Variants in TENM4 observed in about 807,000 individuals in gnomAD.
TENM4 encodes teneurin transmembrane protein 4.
In TENM4, 82 loss-of-function variants were observed where a neutral mutation model predicts 243.3. That is an observed-to-expected ratio of 0.34 (90% CI 0.28 to 0.40). TENM4 has a LOEUF of 0.40. TENM4 is among the 10% of genes least tolerant of loss of function. The pLI is 1.00. For missense variants in TENM4, 3,138 were observed against 3,673.3 expected, an observed-to-expected ratio of 0.85 and a Z score of 3.77; for synonymous variants, 1,412 against 1,456.3, an observed-to-expected ratio of 0.97 and a Z score of 0.69.
At chr11:79,012,611 C>T (rs1007992154) in intron 6 of TENM4, among the ~76,000 whole-genome samples, 8 of 152,266 alleles carry the variant, frequency 5.3e-5, no homozygotes, top group Middle Eastern at 3.4e-3. Context: ...TTTCTGAAAA[C>T]ATGAAGGATT....
intron 28 of TENM4, among the ~76,000 whole-genome samples, chr11:78,699,102 C>T (rs750350279): frequency 2.0e-5 from 3 of 152,138 alleles, no homozygotes; most frequent in Non-Finnish European, 4.4e-5. Flanking sequence ...TCTGCAATTA[C>T]TGGTACTGCC....
At chr11:78,795,447 T>C (rs11237624) in intron 15 of TENM4, among the ~76,000 whole-genome samples, 2,419 of 152,330 alleles carry the variant, frequency 0.016, 30 homozygotes, top group South Asian at 0.032. Flanking sequence ...ACTTCCTAGC[T>C]ATGTGAAACA....
Position 78,903,286 on chromosome 11 carries a change from T to G in TENM4, c.731A>C (p.Asn244Thr). 1 of 1,490,928 alleles carries G rather than the reference T, an allele frequency of 6.7e-7. No homozygotes were observed. Among genetic ancestry groups the G allele is most frequent in the Non-Finnish European group, 8.9e-7 (1 of 1,124,530 alleles). The allele number at this position is 1,490,928 out of a possible 1,614,324, so 92.4% of individuals were successfully genotyped here. ...HAQENWLLNS[N>T]IPLETRNLGK... ...CGCGCACCTGGTCTCCAGGGGGATG[T>G]TGCTGTTGAGCAGCCAGTTCTCCTG... is the stretch of plus-strand genomic sequence containing the variant. Residue 244 changes from asparagine (N) to threonine (T), a missense_variant, in exon 7 of 34, where the codon AAC becomes ACC. Transcript: ENST00000278550.
At chr11:78,974,607 A>T (rs1299382265) in intron 6 of TENM4, among the ~76,000 whole-genome samples, 2 of 152,160 alleles carry the variant, frequency 1.3e-5, no homozygotes, top group African/African-American at 2.4e-5. Context: ...AAAAGCATGC[A>T]TGTCTGGGGC....
At chr11:79,405,950 T>A (rs1041080683) in intron 1 of TENM4, among the ~76,000 whole-genome samples, 2 of 150,506 alleles carry the variant, frequency 1.3e-5, no homozygotes, top group African/African-American at 4.9e-5. Context: ...TCTATGGAGG[T>A]GTCTACAAAT....
chr11:79,361,326 C>G (rs1189045573), intron 1 of TENM4, among the ~76,000 whole-genome samples: 1 of 152,214 alleles, frequency 6.6e-6, no homozygotes, highest in Non-Finnish European at 1.5e-5. Context: ...TTACCAGCCT[C>G]AAATACAGTT....
rs528281151 is a variant in TENM4, at chr11:79,380,382, C to T, written c.-321+60127G>A. 7.9e-5 allele frequency among the ~76,000 whole-genome samples: 12 copies of T among 151,874 alleles called. No individual in the cohort carries two copies. The South Asian group carries it at 1.0e-3, about 13-fold the overall frequency. ...GCACTATGCTTCTGAATGCTGGAGGCGGGAATCCAATGCTATTTCAGGGAC... is the reference window on the plus strand; with the variant it reads ...GCACTATGCTTCTGAATGCTGGAGGTGGGAATCCAATGCTATTTCAGGGAC... On this transcript the variant is annotated intron_variant, in intron 1 of 33. Coordinates refer to ENST00000278550, the MANE Select transcript of TENM4 (RefSeq NM_001098816.3).
rs533545283 is a variant in TENM4 at position 78,696,406 on chromosome 11, G to A, written c.5087+5120C>T. On this transcript the variant is annotated intron_variant, in intron 28 of 33. Coordinates refer to ENST00000278550, the MANE Select transcript of TENM4 (RefSeq NM_001098816.3). ...GATTCTGATGATTTCTTTGCCTCTC[G>A]GGAATGTGTTGCCTTTTCTTGCCCT... 6.6e-5 allele frequency among the ~76,000 whole-genome samples: 10 copies of A among 152,122 alleles called. 1 individual carries two copies. The South Asian group carries it at 1.7e-3, about 25-fold the overall frequency.
At chr11:79,187,881 C>A (rs1393847707) in intron 3 of TENM4, among the ~76,000 whole-genome samples, 2 of 152,202 alleles carry the variant, frequency 1.3e-5, no homozygotes, top group Non-Finnish European at 2.9e-5. Flanking sequence ...TGATTTTGGA[C>A]TTCCAGCCTC....
chr11:78,756,375 G>T, intron 19 of TENM4: 1 of 207,672 alleles, frequency 4.8e-6, no homozygotes, highest in Non-Finnish European at 9.8e-6. Context: ...AGATTGTATG[G>T]GTATGTGGCC....
At chr11:79,155,775 C>A (rs1039470756) in intron 3 of TENM4, among the ~76,000 whole-genome samples, 2 of 145,032 alleles carry the variant, frequency 1.4e-5, no homozygotes, top group Non-Finnish European at 3.0e-5. Flanking sequence ...CCTTTCTCTT[C>A]TTCCTCATTC....
At chr11:79,281,000 G>A (rs190832982) in intron 2 of TENM4, among the ~76,000 whole-genome samples, 1 of 152,318 alleles carries the variant, frequency 6.6e-6, no homozygotes, top group East Asian at 1.9e-4. Flanking sequence ...CCACTGGACA[G>A]AAACCTGGAA....
intron 6 of TENM4, chr11:79,021,790 C>T (rs1858936358): frequency 6.6e-6 from 1 of 152,194 alleles, no homozygotes; most frequent in Admixed American, 6.5e-5. Context: ...AAGTGAGACA[C>T]TCATAGGTCT....
intron 1 of TENM4, among the ~76,000 whole-genome samples, chr11:79,328,925 C>G (rs1857018048): frequency 6.6e-6 from 1 of 152,118 alleles, no homozygotes; most frequent in South Asian, 2.1e-4. Flanking sequence ...GCTGGGCTGA[C>G]TCCAGAGATT....
intron 3 of TENM4, among the ~76,000 whole-genome samples, chr11:79,212,358 T>A (rs1863970326): frequency 6.6e-6 from 1 of 152,238 alleles, no homozygotes; most frequent in Non-Finnish European, 1.5e-5. Flanking sequence ...CTCAAGACAC[T>A]GATTTGCAAC....
At chr11:78,894,243 G>A (rs985482135) in intron 7 of TENM4, among the ~76,000 whole-genome samples, 4 of 152,130 alleles carry the variant, frequency 2.6e-5, no homozygotes, top group South Asian at 2.1e-4. Flanking sequence ...GCTGCCCCCC[G>A]GGACCTGAGG....
intron 3 of TENM4, among the ~76,000 whole-genome samples, chr11:79,181,974 G>C (rs1045143833): frequency 1.3e-5 from 2 of 149,676 alleles, no homozygotes; most frequent in Non-Finnish European, 3.0e-5. Context: ...ACTGTTCCAC[G>C]TTTATAAACA....
intron 32 of TENM4, among the ~76,000 whole-genome samples, chr11:78,667,960 G>T (rs1858198718): frequency 6.6e-6 from 1 of 152,180 alleles, no homozygotes; most frequent in African/African-American, 2.4e-5. Context: ...TTGCTGGGAG[G>T]GCTGTGGCTG....
chr11:79,119,801 T>A (rs1052823418), intron 4 of TENM4, among the ~76,000 whole-genome samples: 1 of 152,200 alleles, frequency 6.6e-6, no homozygotes, highest in South Asian at 2.1e-4. Context: ...CCTCTCCAGA[T>A]GTCCATCCTC....
Sources: allele counts gnomAD v4.1 joint callset (sites outside exome capture counted in the v4.1 genomes callset), GRCh38; gene constraint gnomAD v4.1.1; transcripts MANE v1.5; gene names NCBI Gene and HGNC (gene_info 2026-07-23, HGNC 2026-07-21).